TBCD: variants seen among roughly 807,000 people sequenced by gnomAD.
The protein encoded by TBCD is tubulin-specific chaperone D.
TBCD carries 105 observed loss-of-function variants against 169.3 expected under a neutral mutation model. The ratio of observed to expected loss-of-function variants is 0.62; its 90% confidence interval spans 0.53 to 0.73. The LOEUF (loss-of-function observed/expected upper bound fraction) is 0.73. Among genes scored for constraint, TBCD ranks in the 30% least tolerant of loss-of-function variants. The probability of loss-of-function intolerance (pLI) is 0.00; values close to 1 mark genes in which losing one functional copy is unlikely to be tolerated. For missense variants in TBCD, 1,444 were observed against 1,600.1 expected, an observed-to-expected ratio of 0.90 and a Z score of 1.66; for synonymous variants, 700 against 643.9, an observed-to-expected ratio of 1.09 and a Z score of -1.32.
At chr17:82,857,523 GGT>G (rs770375093) in intron 13 of TBCD, among the ~76,000 whole-genome samples, 4 of 151,848 alleles carry the variant, frequency 2.6e-5, no homozygotes, top group Admixed American at 6.6e-5. Flanking sequence ...GCAGTTTTTG[GGT>G]GTGTGTGATG....
chr17:82,810,603 T>A (rs606532), intron 12 of TBCD, among the ~76,000 whole-genome samples: 71,977 of 152,060 alleles, frequency 0.47, 17,923 homozygotes, highest in African/African-American at 0.63. Flanking sequence ...GGGCCTGCAG[T>A]CCTGCCCTGG....
chr17:82,797,668 GAT>G, intron 7 of TBCD, 87 bp from the exon 8 acceptor site: 2 of 981,364 alleles, frequency 2.0e-6, no homozygotes, highest in East Asian at 2.7e-5. Flanking sequence ...AATTCTGAAA[GAT>G]GTGATGAATT....
intron 13 of TBCD, among the ~76,000 whole-genome samples, chr17:82,846,560 A>G (rs1397587814): frequency 2.6e-5 from 4 of 152,172 alleles, no homozygotes; most frequent in Admixed American, 1.3e-4. Context: ...ACCCAGGGGA[A>G]GCTTGGAGAC....
chr17:82,899,501 G>T (rs1196380048), intron 17 of TBCD, among the ~76,000 whole-genome samples: 1 of 152,248 alleles, frequency 6.6e-6, no homozygotes, highest in African/African-American at 2.4e-5. Flanking sequence ...CTTTTGGTTG[G>T]TGAGTTGTGT....
chr17:82,827,944 C>T lies in TBCD; in HGVS notation c.1318+13010C>T, dbSNP rs138599277. 1.2e-3 allele frequency among the ~76,000 whole-genome samples: 173 copies of T among 148,176 alleles called. 1 individual carries two copies. Among genetic ancestry groups the T allele is most frequent in the African/African-American group, 4.2e-3 (167 of 39,838 alleles). On this transcript the variant is annotated intron_variant, in intron 13 of 38. Transcript: ENST00000355528. Reference sequence around the variant, plus strand: ...AGATATGAGCACGTGGACACCCACACGATTGAATGTGCATACACTCACAGA... The same window carrying T: ...AGATATGAGCACGTGGACACCCACATGATTGAATGTGCATACACTCACAGA...
chr17:82,941,308 T>C, intron 37 of TBCD, 91 bp from the exon 38 acceptor site: 1 of 1,126,726 alleles, frequency 8.9e-7, no homozygotes, highest in African/African-American at 1.6e-5. Context: ...TTTCCCTGAC[T>C]GCGGCCATGG....
rs972864084 is a variant in TBCD at position 82,943,837 on chromosome 17, C to T, written c.*1374C>T. 6.6e-6 allele frequency: 1 copy of T among 152,272 alleles called. No individual in the cohort carries two copies. Among genetic ancestry groups the T allele is most frequent in the Non-Finnish European group, 1.5e-5 (1 of 68,096 alleles). The allele number at this position is 152,272 out of a possible 1,614,324, so 9.4% of individuals were successfully genotyped here. ...TTATTCCAACCTGTGTAATAGGGGT[C>T]TCCTCCTCCTTGAACTGTCCCGATT... On this transcript the variant is annotated 3_prime_UTR_variant, in exon 39 of 39. Coordinates refer to ENST00000355528, the MANE Select transcript of TBCD (RefSeq NM_005993.5).
rs749946143 is a variant in TBCD at position 82,782,317 on chromosome 17, TG to T, written c.771+598del. On this transcript the variant is annotated intron_variant, in intron 7 of 38. Transcript: ENST00000355528. The surrounding 1 kb of genome is among the most constrained non-coding windows in gnomAD (Gnocchi z 5.1). The stretch of plus-strand genomic sequence containing the variant: ...CAAAGCCTCTTTTGGGTCAGCGTCC[TG>T]GAGGCTGCAGCTCCCTGGTCAGCCT... Among the ~76,000 whole-genome samples, 172 of 152,296 alleles carry T rather than the reference TG, an allele frequency of 1.1e-3. 1 individual carries two copies. Among genetic ancestry groups the T allele is most frequent in the Middle Eastern group, 3.4e-3 (1 of 294 alleles).
intron 13 of TBCD, chr17:82,840,571 G>A (rs1038623660): frequency 6.6e-6 from 1 of 152,296 alleles, no homozygotes; most frequent in Admixed American, 6.5e-5. Flanking sequence ...GGCAGGGAGG[G>A]AGCTTATCCC....
rs1231162082 is a variant in TBCD at position 82,874,896 on chromosome 17, A to G, written c.1475+4516A>G. Among the ~76,000 whole-genome samples, 1 of 151,938 alleles carries G rather than the reference A, an allele frequency of 6.6e-6. No homozygotes were observed. The highest frequency in any genetic ancestry group is 1.5e-5 in the Non-Finnish European group (1 of 67,946). ...TACAATCTTGATTTCTCTAACTTTC[A>G]CAAGTTCTTCGGTGGGTCCTGTAAC... On this transcript the variant is annotated intron_variant, in intron 14 of 38. Coordinates refer to ENST00000355528, the MANE Select transcript of TBCD (RefSeq NM_005993.5). The surrounding 1 kb of genome is among the most constrained non-coding windows in gnomAD (Gnocchi z 5.0).
At chr17:82,856,287 G>C (rs1318051172) in intron 13 of TBCD, among the ~76,000 whole-genome samples, 1 of 151,836 alleles carries the variant, frequency 6.6e-6, no homozygotes, top group Admixed American at 6.6e-5. Flanking sequence ...AGACAGAAAA[G>C]AATATGCTGA....
At chr17:82,777,249 C>G (rs952166752) in intron 6 of TBCD, among the ~76,000 whole-genome samples, 23 of 152,260 alleles carry the variant, frequency 1.5e-4, no homozygotes, top group Admixed American at 1.0e-3. Flanking sequence ...AGTAGAACCC[C>G]GCCCTTCCCA....
In TBCD at chr17:82,832,535, G is replaced by C. The variant is rs930885154; in HGVS notation, c.1318+17601G>C. On this transcript the variant is annotated intron_variant, in intron 13 of 38. Coordinates refer to ENST00000355528, the MANE Select transcript of TBCD (RefSeq NM_005993.5). This position sits in a 1 kb window ranked among gnomAD's most constrained non-coding sequence, Gnocchi z 4.9. ...CCGCGTGCACTTCGTGGTTTCTAAA[G>C]AGGCACCTCCCGCTTTGCTTTCTTT... is the stretch of plus-strand genomic sequence containing the variant. 7.9e-7 allele frequency: 1 copy of C among 1,259,440 alleles called. No individual in the cohort carries two copies. Among genetic ancestry groups the C allele is most frequent in the Non-Finnish European group, 1.1e-6 (1 of 874,664 alleles). 78.0% of individuals were successfully genotyped at this position (1,259,440 alleles called of 1,614,324 possible).
At chr17:82,939,945 A>C (rs537744983) in intron 37 of TBCD, among the ~76,000 whole-genome samples, 3 of 152,356 alleles carry the variant, frequency 2.0e-5, no homozygotes, top group Admixed American at 2.0e-4. Context: ...TGAGGCCCTC[A>C]GGAGGCCATA....
At chr17:82,931,090 A>AC (rs1478539184) in intron 33 of TBCD, among the ~76,000 whole-genome samples, 1 of 152,234 alleles carries the variant, frequency 6.6e-6, no homozygotes, top group Non-Finnish European at 1.5e-5. Context: ...TTCTGGCTTT[A>AC]CATGGAGGCA....
At chr17:82,777,086 T>C (rs2048646887) in intron 6 of TBCD, among the ~76,000 whole-genome samples, 1 of 152,214 alleles carries the variant, frequency 6.6e-6, no homozygotes. Flanking sequence ...AGTTTTAATT[T>C]TAATGTCAAA....
intron 13 of TBCD, among the ~76,000 whole-genome samples, chr17:82,841,920 A>G (rs1247883450): frequency 6.6e-6 from 1 of 152,192 alleles, no homozygotes; most frequent in East Asian, 1.9e-4. Context: ...GTAGCACTTC[A>G]GAGGCCTCCC....
intron 13 of TBCD, among the ~76,000 whole-genome samples, chr17:82,856,349 G>A (rs2056278653): frequency 6.6e-6 from 1 of 151,438 alleles, no homozygotes; most frequent in African/African-American, 2.4e-5. Context: ...CTTAATGCCT[G>A]TAATCACAAT....
At position 82,822,019 on chromosome 17, in the gene TBCD, C is replaced by T. The variant is rs576123518; in HGVS notation, c.1318+7085C>T. On this transcript the variant is annotated intron_variant, in intron 13 of 38. Transcript: ENST00000355528. ...GTGTTCATCGAAGACGTACAAGCAG[C>T]GTCTTACGACGATGTTGCTGCAGCT... Among the ~76,000 whole-genome samples the T allele has an allele frequency of 2.2e-4, 34 of 152,300 alleles. 1 individual carries two copies. The South Asian group carries it at 6.4e-3, about 29-fold the overall frequency.
Sources: gnomAD v4.1 joint callset for allele counts (sites outside exome capture counted in the v4.1 genomes callset) on GRCh38, gnomAD v4.1.1 for gene constraint, Gnocchi (gnomAD v3.1) non-coding constraint, MANE v1.5 for transcripts, NCBI Gene and HGNC (gene_info 2026-07-23, HGNC 2026-07-21) for gene names.